UBA6: variants seen among roughly 807,000 people sequenced by gnomAD.
UBA6 encodes the protein ubiquitin-like modifier-activating enzyme 6.
A neutral mutation model predicts 148.3 loss-of-function variants in UBA6; 87 were observed. That is an observed-to-expected ratio of 0.59 (90% CI 0.49 to 0.70). The LOEUF (loss-of-function observed/expected upper bound fraction) is 0.70, where lower values mean the gene tolerates loss of function less well. Among genes scored for constraint, UBA6 ranks in the 30% least tolerant of loss-of-function variants. The probability of loss-of-function intolerance (pLI) is 0.00; values close to 1 mark genes in which losing one functional copy is unlikely to be tolerated. For synonymous variants in UBA6, 376 were observed against 401.0 expected, an observed-to-expected ratio of 0.94 and a Z score of 0.75; for missense variants, 1,186 against 1,241.2, an observed-to-expected ratio of 0.96 and a Z score of 0.67.
chr4:67,640,868 C>T (rs958639969), intron 18 of UBA6, among the ~76,000 whole-genome samples: 1 of 152,140 alleles, frequency 6.6e-6, no homozygotes, highest in African/African-American at 2.4e-5. Flanking sequence ...TTTCTATATA[C>T]TTCCTTTCTA....
intron 30 of UBA6, among the ~76,000 whole-genome samples, chr4:67,623,683 A>T (rs1255412141): frequency 6.6e-6 from 1 of 151,974 alleles, no homozygotes; most frequent in Non-Finnish European, 1.5e-5. Flanking sequence ...AGTATTTTGT[A>T]CTCTCATTAG....
In UBA6 at chr4:67,639,096, GCAT is replaced by G; in HGVS notation, c.1580_1582del (p.Asp527del). On this transcript the variant is annotated inframe_deletion, in exon 19 of 33. Coordinates refer to ENST00000322244, the MANE Select transcript of UBA6 (RefSeq NM_018227.6). ...TATTTGAGAATTTATTTTCAGAGTA[GCAT>G]CAGCAGCAGTGTAGCTTTTAGGTTT... 1 of 1,612,914 alleles carries G rather than the reference GCAT, an allele frequency of 6.2e-7. No individual in the cohort carries two copies. The highest frequency in any genetic ancestry group is 8.5e-7 in the Non-Finnish European group (1 of 1,179,686).
chr4:67,627,260 T>C (rs1375760983), intron 27 of UBA6, among the ~76,000 whole-genome samples: 1 of 151,900 alleles, frequency 6.6e-6, no homozygotes, highest in Non-Finnish European at 1.5e-5. Flanking sequence ...TTAAGAAATA[T>C]TAAGGAGTCC....
intron 27 of UBA6, among the ~76,000 whole-genome samples, chr4:67,627,862 GA>G (rs1160439348): frequency 1.4e-5 from 2 of 145,654 alleles, no homozygotes; most frequent in Non-Finnish European, 3.0e-5. Context: ...ATGTAAAAAA[GA>G]AAAAAAAGTT....
chr4:67,681,616 T>G, intron 3 of UBA6, 25 bp from the exon 4 acceptor site: 1 of 1,559,078 alleles, frequency 6.4e-7, no homozygotes, highest in Non-Finnish European at 8.7e-7. Flanking sequence ...GAAAAAGGAA[T>G]AGCTCAATAT....
intron 11 of UBA6, 129 bp from the exon 12 acceptor site, chr4:67,663,344 C>A (rs1373872021): frequency 1.7e-6 from 1 of 576,268 alleles, no homozygotes; most frequent in Non-Finnish European, 3.1e-6. Flanking sequence ...GTTATTAACT[C>A]TATTTAACAA....
At chr4:67,621,167 G>A (rs144042240) in intron 32 of UBA6, among the ~76,000 whole-genome samples, 149 of 152,280 alleles carry the variant, frequency 9.8e-4, no homozygotes, top group African/African-American at 3.5e-3. Flanking sequence ...CACTAGCCTT[G>A]CTTGATCCAA....
chr4:67,638,916 G>GT, intron 19 of UBA6, 27 bp downstream of exon 19: 1 of 1,536,894 alleles, frequency 6.5e-7, no homozygotes, highest in Non-Finnish European at 8.9e-7. Flanking sequence ...AGACAATTCT[G>GT]TAGGAACATG....
In UBA6 at chr4:67,626,443, T is replaced by A. The variant is rs1345661209; in HGVS notation, c.2435A>T (p.Asp812Val). Reference protein sequence around the residue: ...VQTDETARKPDHVPISSEDER... With the variant: ...VQTDETARKPVHVPISSEDER... ...ATCTTCACTGCTAATAGGAACATGG[T>A]CTGGTTTCCTTGCAGTTTCATCTGT... Residue 812 changes from aspartate to valine, a missense_variant, in exon 28 of 33, where the codon GAC becomes GTC. Asp to Val is a radical substitution (Grantham distance 152). Transcript: ENST00000322244. 2.5e-6 allele frequency: 4 copies of A among 1,610,998 alleles called. No homozygotes were observed.
At position 67,677,710 on chromosome 4, in the gene UBA6, T is replaced by C. The variant is rs773933943; in HGVS notation, c.366A>G (p.Val122=). The stretch of plus-strand genomic sequence containing the variant: ...GATTTAGTTCTGCAATATGTTTAAG[T>C]ACAGCTTCAGCCCTAAAAAAATAAA... ...VVNKRNRAEA[V]LKHIAELNPY... is the part of the protein sequence containing the mutation. The change falls in exon 6 of 33, where the codon GTA becomes GTG. Residue 122 remains valine (V), a synonymous_variant. Coordinates refer to ENST00000322244, the MANE Select transcript of UBA6 (RefSeq NM_018227.6). The C allele has an allele frequency of 1.9e-6, 3 of 1,578,998 alleles. No individual in the cohort carries two copies. Among genetic ancestry groups the C allele is most frequent in the Non-Finnish European group, 2.6e-6 (3 of 1,154,804 alleles).
chr4:67,634,586 A>C, intron 20 of UBA6, 68 bp from the exon 21 acceptor site: 3 of 1,178,824 alleles, frequency 2.5e-6, no homozygotes, highest in Non-Finnish European at 3.5e-6. Context: ...GATTTAATCT[A>C]GTTTTGAGCT....
chr4:67,688,706 C>G (rs1049707829), intron 2 of UBA6, among the ~76,000 whole-genome samples: 1 of 151,926 alleles, frequency 6.6e-6, no homozygotes, highest in African/African-American at 2.4e-5. Flanking sequence ...CAACTGGGTA[C>G]TAAAATTGCT....
Position 67,696,695 on chromosome 4 carries a change from A to AG in UBA6, c.83_84insC (p.Leu29PhefsTer13). On this transcript the variant is annotated frameshift_variant, in exon 2 of 33. Transcript: ENST00000322244. LOFTEE classifies it high-confidence loss of function. ...CAGATGCTGTTGACATAATGGGCAA[A>AG]TTTTTATTTGTGCTGGAAAAAAAAA... 1 of 1,606,382 alleles carries AG rather than the reference A, an allele frequency of 6.2e-7. No homozygotes were observed. Among genetic ancestry groups the AG allele is most frequent in the Non-Finnish European group, 8.5e-7 (1 of 1,175,930 alleles).
chr4:67,682,039 A>T, intron 3 of UBA6, 80 bp downstream of exon 3: 1 of 1,050,022 alleles, frequency 9.5e-7, no homozygotes, highest in South Asian at 1.4e-5. Context: ...TATAGGAAAT[A>T]TAAGGGGATG....
At chr4:67,688,875 A>G (rs988756416) in intron 2 of UBA6, among the ~76,000 whole-genome samples, 8 of 152,128 alleles carry the variant, frequency 5.3e-5, no homozygotes, top group African/African-American at 1.9e-4. Context: ...TTATGCCTGT[A>G]AAAAACCTGT....
intron 22 of UBA6, 41 bp from the exon 23 acceptor site, chr4:67,633,514 T>TA (rs1227533982): frequency 6.5e-7 from 1 of 1,537,316 alleles, no homozygotes; most frequent in African/African-American, 1.4e-5. Flanking sequence ...TACTTCCAAT[T>TA]ACAAACATAT....
At chr4:67,686,103 C>CAT (rs750826702) in intron 2 of UBA6, among the ~76,000 whole-genome samples, 12 of 152,182 alleles carry the variant, frequency 7.9e-5, no homozygotes, top group Admixed American at 5.2e-4. Context: ...ACTAAGTGAC[C>CAT]ATATAGCAGT....
At chr4:67,698,404 G>A (rs1185441192) in intron 1 of UBA6, among the ~76,000 whole-genome samples, 1 of 152,172 alleles carries the variant, frequency 6.6e-6, no homozygotes, top group Non-Finnish European at 1.5e-5. Flanking sequence ...AGATAACCCT[G>A]TGCTACATAT....
At chr4:67,683,744 C>T (rs1045820044) in intron 2 of UBA6, among the ~76,000 whole-genome samples, 4 of 152,078 alleles carry the variant, frequency 2.6e-5, no homozygotes, top group Non-Finnish European at 5.9e-5. Context: ...ATGTATACTT[C>T]AACTTCATTA....
Sources: allele counts gnomAD v4.1 joint callset (sites outside exome capture counted in the v4.1 genomes callset), GRCh38; gene constraint gnomAD v4.1.1; transcripts MANE v1.5; gene names NCBI Gene and HGNC (gene_info 2026-07-23, HGNC 2026-07-21).